Variants in ZNF747 observed in about 807,000 individuals in gnomAD.
ZNF747 encodes the protein KRAB domain-containing protein ZNF747.
In ZNF747, 14 loss-of-function variants were observed where a neutral mutation model predicts 13.4. The ratio of observed to expected loss-of-function variants is 1.04; its 90% confidence interval spans 0.69 to 1.63. ZNF747 has a LOEUF of 1.63. Ranked by LOEUF, ZNF747 falls within the 40% of genes most tolerant of loss-of-function variation. The pLI is 0.00. For synonymous variants in ZNF747, 212 were observed against 206.5 expected (o/e 1.03, Z -0.23); for missense variants, 532 against 477.9 (o/e 1.11, Z -1.05).
rs1310330347 is a variant in ZNF747 at position 30,531,551 on chromosome 16, G to C, written c.*948C>G. Reference sequence around the variant, plus strand: ...CCCTGTAATCCCAGCACTTTGGGAGGCCAAGGTGGGCGAATTGCTTGAACC... The same window carrying C: ...CCCTGTAATCCCAGCACTTTGGGAGCCCAAGGTGGGCGAATTGCTTGAACC... On this transcript the variant is annotated 3_prime_UTR_variant, in exon 3 of 3. Coordinates refer to ENST00000693075, the MANE Select transcript of ZNF747 (RefSeq NM_001305018.2). 4 of 152,202 alleles carry C rather than the reference G, an allele frequency of 2.6e-5. No individual in the cohort carries two copies. Among genetic ancestry groups the C allele is most frequent in the Admixed American group, 2.6e-4 (4 of 15,272 alleles). The allele number at this position is 152,202 out of a possible 1,614,324, so 9.4% of individuals were successfully genotyped here.
In ZNF747 at chr16:30,531,212, T is replaced by C. The variant is rs2051368935; in HGVS notation, c.*1287A>G. On this transcript the variant is annotated 3_prime_UTR_variant, in exon 3 of 3. Coordinates refer to ENST00000693075, the MANE Select transcript of ZNF747 (RefSeq NM_001305018.2). The stretch of plus-strand genomic sequence containing the variant: ...GCAAGCCATGATGAATGGCTACTCA[T>C]GCTTGGTCAGGAGCTGATGGGATGA... 1 of 152,264 alleles carries C rather than the reference T, an allele frequency of 6.6e-6. No individual in the cohort carries two copies. 9.4% of individuals were successfully genotyped at this position (152,264 alleles called of 1,614,324 possible).
In ZNF747 at chr16:30,530,722, C is replaced by T. The variant is rs1597121066; in HGVS notation, c.*1777G>A. 1 of 152,292 alleles carries T rather than the reference C, an allele frequency of 6.6e-6. No individual in the cohort carries two copies. The highest frequency in any genetic ancestry group is 2.4e-5 in the African/African-American group (1 of 41,448). 9.4% of individuals were successfully genotyped at this position (152,292 alleles called of 1,614,324 possible). A position where few individuals can be genotyped will look rare whatever the true frequency, so the allele number is the denominator to read the frequency against. On this transcript the variant is annotated 3_prime_UTR_variant, in exon 3 of 3. Coordinates refer to ENST00000693075, the MANE Select transcript of ZNF747 (RefSeq NM_001305018.2). This position sits in a 1 kb window ranked among gnomAD's most constrained non-coding sequence, Gnocchi z 4.4. ...AGTGTCTTTTCTCCAAAACTTCTAC[C>T]TCCTTTCAGGCTGATAAATCTGGTT...
intron 1 of ZNF747, 24 bp from the exon 2 acceptor site, chr16:30,534,334 C>T (rs2051423367): frequency 1.9e-6 from 3 of 1,560,998 alleles, no homozygotes; most frequent in Non-Finnish European, 2.6e-6. Flanking sequence ...ACGCAAACCC[C>T]ACGCTGCGAG....
rs754123255 is a variant in ZNF747 at position 30,532,525 on chromosome 16, G to A, written c.970C>T (p.Pro324Ser). ...LDPPVGFQLYPEIFQECG is the reference protein window; with the variant it reads ...LDPPVGFQLYSEIFQECG Reference sequence around the variant, plus strand: ...CACCCACATTCCTGGAATATCTCTGGATACAGCTGGAAGCCCACAGGCGGG... The same window carrying A: ...CACCCACATTCCTGGAATATCTCTGAATACAGCTGGAAGCCCACAGGCGGG... Residue 324 changes from proline (P) to serine (S), a missense_variant, in exon 3 of 3, where the codon CCA becomes TCA. By Grantham distance (74) the Pro-to-Ser change is moderately conservative. Coordinates refer to ENST00000693075, the MANE Select transcript of ZNF747 (RefSeq NM_001305018.2). 8 of 1,606,070 alleles carry A rather than the reference G, an allele frequency of 5.0e-6. No homozygotes were observed. In the South Asian group the frequency reaches 7.8e-5, roughly 16 times the overall value.
chr16:30,534,492 C>G lies in ZNF747; in HGVS notation c.188G>C (p.Arg63Pro), dbSNP rs780713521. The change falls in exon 1 of 3, where the codon CGG becomes CCG. Residue 63 changes from arginine to proline, a missense_variant. Physicochemically the swap from Arg to Pro is moderately radical, Grantham distance 103 (BLOSUM62 -2). Transcript: ENST00000693075. ...GCCGTAGGTCTCCCGCATCACGTCC[C>G]GGTACAGGGCCCTCTGCGCGGGCCG... The part of the protein sequence containing the change: ...CLRPAQRALY[R>P]DVMRETYGHL... The G allele has an allele frequency of 2.5e-6, 4 of 1,608,162 alleles. No homozygotes were observed. In the African/African-American group the frequency reaches 5.3e-5, roughly 22 times the overall value.
At chr16:30,534,390 C>G in intron 1 of ZNF747, 61 bp downstream of exon 1, 1 of 1,556,428 alleles carries the variant, frequency 6.4e-7, no homozygotes, top group South Asian at 1.2e-5. Context: ...ACACGCAGCT[C>G]CCAGAGGCGC....
Position 30,532,290 on chromosome 16 carries a change from C to T in ZNF747, c.*209G>A, listed in dbSNP as rs559811623. 3 of 629,700 alleles carry T rather than the reference C, an allele frequency of 4.8e-6. No individual in the cohort carries two copies. The East Asian group carries it at 8.2e-5, about 17-fold the overall frequency. 39.0% of individuals were successfully genotyped at this position (629,700 alleles called of 1,614,324 possible). On this transcript the variant is annotated 3_prime_UTR_variant, in exon 3 of 3. Coordinates refer to ENST00000693075, the MANE Select transcript of ZNF747 (RefSeq NM_001305018.2). ...TGGGGGGTTCTCACCTCAGCCCTGC[C>T]TCAGCAAAGGGGGCCTTGGAGAGCC...
rs1716838344 is a variant in ZNF747, at chr16:30,530,486, G to T, written c.*2013C>A. On this transcript the variant is annotated 3_prime_UTR_variant, in exon 3 of 3. Coordinates refer to ENST00000693075, the MANE Select transcript of ZNF747 (RefSeq NM_001305018.2). The surrounding 1 kb of genome is among the most constrained non-coding windows in gnomAD (Gnocchi z 4.4). ...TTTCCCCAGGCTGTGTTGAGGGTTA[G>T]GGGAGGGGACTGAGATGTACACTGG... 1.3e-5 allele frequency: 2 copies of T among 152,246 alleles called. No individual in the cohort carries two copies. Among genetic ancestry groups the T allele is most frequent in the African/African-American group, 4.8e-5 (2 of 41,428 alleles). The allele number at this position is 152,246 out of a possible 1,614,324, so 9.4% of individuals were successfully genotyped here.
chr16:30,532,370 A>T lies in ZNF747; in HGVS notation c.*129T>A. 9.4e-7 allele frequency: 1 copy of T among 1,067,308 alleles called. No homozygotes were observed. The highest frequency in any genetic ancestry group is 1.4e-6 in the Non-Finnish European group (1 of 740,074). 66.1% of individuals were successfully genotyped at this position (1,067,308 alleles called of 1,614,324 possible). ...AAGAGGCTGCTGAGAGCCCAAGATC[A>T]GACTGTCCGCACCCCAGGCCAGCTC... On this transcript the variant is annotated 3_prime_UTR_variant, in exon 3 of 3. Transcript: ENST00000693075.
Position 30,532,674 on chromosome 16 carries a change from C to T in ZNF747, c.821G>A (p.Cys274Tyr), listed in dbSNP as rs1462689048. 1 of 1,539,038 alleles carries T rather than the reference C, an allele frequency of 6.5e-7. No homozygotes were observed. ...KPYRCPQCGR[C>Y]FGLKTGMAKH... ...GGCCATGCCGGTCTTCAGGCCGAAG[C>T]AGCGGCCACACTGCGGGCAGCGGTA... is the stretch of plus-strand genomic sequence containing the variant. The change falls in exon 3 of 3, where the codon TGC (cysteine) becomes TAC (tyrosine). Residue 274 changes from cysteine to tyrosine, a missense_variant. By Grantham distance (194) the Cys-to-Tyr change is radical. Coordinates refer to ENST00000693075, the MANE Select transcript of ZNF747 (RefSeq NM_001305018.2).
In ZNF747 at chr16:30,532,269, G is replaced by A. The variant is rs941180086; in HGVS notation, c.*230C>T. 1.8e-5 allele frequency: 11 copies of A among 603,666 alleles called. No individual in the cohort carries two copies. Among genetic ancestry groups the A allele is most frequent in the African/African-American group, 1.1e-4 (6 of 53,888 alleles). 37.4% of individuals were successfully genotyped at this position (603,666 alleles called of 1,614,324 possible). A position where few individuals can be genotyped will look rare whatever the true frequency, so the allele number is the denominator to read the frequency against. On this transcript the variant is annotated 3_prime_UTR_variant, in exon 3 of 3. Transcript: ENST00000693075. ...TTGCTTCCCTGTATGGAGGTCTGGG[G>A]GGTTCTCACCTCAGCCCTGCCTCAG...
At chr16:30,533,728 T>A (rs1406617745) in intron 2 of ZNF747, among the ~76,000 whole-genome samples, 3 of 147,112 alleles carry the variant, frequency 2.0e-5, no homozygotes, top group Non-Finnish European at 4.5e-5. Context: ...CCAAGACCTC[T>A]ACCTCTTTAA....
At position 30,534,624 on chromosome 16, in the gene ZNF747, A is replaced by T. The variant is rs760237974; in HGVS notation, c.56T>A (p.Leu19His). 6.3e-7 allele frequency: 1 copy of T among 1,583,898 alleles called. No individual in the cohort carries two copies. Among genetic ancestry groups the T allele is most frequent in the Non-Finnish European group, 8.6e-7 (1 of 1,169,104 alleles). ...TVPMAPPLAP[L>H]PPRDPNGAGS... ...CGCCCCGTTTGGGTCCCGGGGAGGG[A>T]GCGGGGCCAGAGGCGGCGCCATGGG... The change falls in exon 1 of 3, where the codon CTC becomes CAC. Residue 19 changes from leucine to histidine, a missense_variant. Coordinates refer to ENST00000693075, the MANE Select transcript of ZNF747 (RefSeq NM_001305018.2).
chr16:30,532,970 GA>G lies in ZNF747; in HGVS notation c.524del (p.Val175AlafsTer51). ...SRPRFFAHPP[V>X]PRADQRHGCY... ...AGCCGTGACGCTGGTCAGCTCGGGGGACAGGGGGGTGGGCAAAAAAGCGGGG... is the reference window on the plus strand; with the variant it reads ...AGCCGTGACGCTGGTCAGCTCGGGGGCAGGGGGGTGGGCAAAAAAGCGGGG... On this transcript the variant is annotated frameshift_variant, in exon 3 of 3. Coordinates refer to ENST00000693075, the MANE Select transcript of ZNF747 (RefSeq NM_001305018.2). LOFTEE classifies it low-confidence loss of function (END_TRUNC). 6.2e-7 allele frequency: 1 copy of G among 1,607,480 alleles called. No individual in the cohort carries two copies. The highest frequency in any genetic ancestry group is 8.5e-7 in the Non-Finnish European group (1 of 1,178,638).
Position 30,530,881 on chromosome 16 carries a change from C to G in ZNF747, c.*1618G>C, listed in dbSNP as rs905314505. The G allele has an allele frequency of 6.6e-6, 1 of 152,406 alleles. No homozygotes were observed. The highest frequency in any genetic ancestry group is 1.9e-4 in the East Asian group (1 of 5,186). The allele number at this position is 152,406 out of a possible 1,614,324, so 9.4% of individuals were successfully genotyped here. On this transcript the variant is annotated 3_prime_UTR_variant, in exon 3 of 3. Coordinates refer to ENST00000693075, the MANE Select transcript of ZNF747 (RefSeq NM_001305018.2). This position sits in a 1 kb window ranked among gnomAD's most constrained non-coding sequence, Gnocchi z 4.4. ...GACCAGAGGCAGGGCAGGGGCTGCC[C>G]GTGGCTGGACTCTGCCCACAAAGGA...
rs900455493 is a variant in ZNF747, at chr16:30,532,103, G to A, written c.*396C>T. ...GTGGAAGTTGCAGTGAGTCGAGATC[G>A]CACCATTGCACTCCAGCCTGGGCAA... On this transcript the variant is annotated 3_prime_UTR_variant, in exon 3 of 3. Coordinates refer to ENST00000693075, the MANE Select transcript of ZNF747 (RefSeq NM_001305018.2). The A allele has an allele frequency of 4.4e-6, 1 of 225,618 alleles. No individual in the cohort carries two copies. Among genetic ancestry groups the A allele is most frequent in the Admixed American group, 5.2e-5 (1 of 19,322 alleles). The allele number at this position is 225,618 out of a possible 1,614,324, so 14.0% of individuals were successfully genotyped here.
Position 30,534,593 on chromosome 16 carries a change from G to T in ZNF747, c.87C>A (p.Ser29=). The part of the protein sequence containing the change: ...LPPRDPNGAG[S]EWRKPGAVSF... ...TCACGGCCCCGGGCTTTCTCCACTC[G>T]GATCCCGCCCCGTTTGGGTCCCGGG... Residue 29 remains serine (S), a synonymous_variant, in exon 1 of 3, where the codon TCC becomes TCA. Transcript: ENST00000693075. The T allele has an allele frequency of 6.2e-7, 1 of 1,601,176 alleles. No individual in the cohort carries two copies. The highest frequency in any genetic ancestry group is 8.5e-7 in the Non-Finnish European group (1 of 1,175,680).
chr16:30,532,596 G>A lies in ZNF747; in HGVS notation c.899C>T (p.Pro300Leu), dbSNP rs776110953. The change falls in exon 3 of 3, where the codon CCT becomes CTT. Residue 300 changes from proline (P) to leucine (L), a missense_variant. Pro to Leu is a moderately conservative substitution (Grantham distance 98). Coordinates refer to ENST00000693075, the MANE Select transcript of ZNF747 (RefSeq NM_001305018.2). ...PGGEGRRGRR[P>L]GGLSVTLTPV... ...AGTCAGGGTCACAGACAGCCCCCCAGGGCGCCGGCCCCTACGCCCCTCGCC... is the reference window on the plus strand; with the variant it reads ...AGTCAGGGTCACAGACAGCCCCCCAAGGCGCCGGCCCCTACGCCCCTCGCC... 1.3e-6 allele frequency: 2 copies of A among 1,563,346 alleles called. No individual in the cohort carries two copies. The highest frequency in any genetic ancestry group is 1.7e-6 in the Non-Finnish European group (2 of 1,157,746).
Position 30,534,562 on chromosome 16 carries a change from C to G in ZNF747, c.118G>C (p.Ala40Pro). The stretch of plus-strand genomic sequence containing the variant: ...CGGGAGAAGTACACGGCCACGTCGG[C>G]GAAGCTCACGGCCCCGGGCTTTCTC... ...EWRKPGAVSFADVAVYFSREE... is the reference protein window; with the variant it reads ...EWRKPGAVSFPDVAVYFSREE... Residue 40 changes from alanine (A) to proline (P), a missense_variant, in exon 1 of 3, where the codon GCC (alanine) becomes CCC (proline). Coordinates refer to ENST00000693075, the MANE Select transcript of ZNF747 (RefSeq NM_001305018.2). The G allele has an allele frequency of 6.2e-7, 1 of 1,606,048 alleles. No individual in the cohort carries two copies. The highest frequency in any genetic ancestry group is 1.1e-5 in the South Asian group (1 of 89,854).
Sources: gnomAD v4.1 joint callset for allele counts (sites outside exome capture counted in the v4.1 genomes callset) on GRCh38, gnomAD v4.1.1 for gene constraint, Gnocchi (gnomAD v3.1) non-coding constraint, MANE v1.5 for transcripts, NCBI Gene and HGNC (gene_info 2026-07-23, HGNC 2026-07-21) for gene names.